Variants in PPARGC1A observed in about 807,000 individuals in gnomAD.
PPARGC1A encodes the protein peroxisome proliferator-activated receptor gamma coactivator 1-alpha.
PPARGC1A carries 25 observed loss-of-function variants against 88.7 expected under a neutral mutation model. The observed-to-expected ratio is 0.28, with a 90% CI of 0.21 to 0.39. The LOEUF is 0.39. PPARGC1A is among the 10% of genes least tolerant of loss of function. The probability of loss-of-function intolerance (pLI) is 1.00; values close to 1 mark genes in which losing one functional copy is unlikely to be tolerated. For missense variants in PPARGC1A, 880 were observed against 968.7 expected (o/e 0.91, Z 1.22); for synonymous variants, 363 against 355.6 (o/e 1.02, Z -0.24).
the PPARGC1A span, among the ~76,000 whole-genome samples, chr4:24,145,423 A>T: frequency 6.6e-6 from 1 of 152,190 alleles, no homozygotes; most frequent in African/African-American, 2.4e-5. Context: ...CTTACAGCAC[A>T]ATAGTTCAAA....
At chr4:23,816,614 C>T (rs1013738330) in intron 7 of PPARGC1A, among the ~76,000 whole-genome samples, 4 of 152,118 alleles carry the variant, frequency 2.6e-5, no homozygotes, top group African/African-American at 9.7e-5. Flanking sequence ...GAGGAATAAT[C>T]TCTCTTTGCT....
the PPARGC1A span, among the ~76,000 whole-genome samples, chr4:24,011,810 C>T: frequency 6.6e-6 from 1 of 152,248 alleles, no homozygotes; most frequent in Non-Finnish European, 1.5e-5. Context: ...TCTTTAAGGA[C>T]AATTAGGTAT....
chr4:24,089,186 C>T, the PPARGC1A span, among the ~76,000 whole-genome samples: 1 of 152,160 alleles, frequency 6.6e-6, no homozygotes, highest in South Asian at 2.1e-4. Context: ...TCCTCAGCTG[C>T]ATTACTACCA....
the PPARGC1A span, among the ~76,000 whole-genome samples, chr4:24,168,449 G>C: frequency 6.6e-6 from 1 of 152,170 alleles, no homozygotes; most frequent in African/African-American, 2.4e-5. Flanking sequence ...GTAATACCCA[G>C]TAACAATGAG....
chr4:24,195,396 G>A, the PPARGC1A span, among the ~76,000 whole-genome samples: 745 of 152,310 alleles, frequency 4.9e-3, 30 homozygotes, highest in East Asian at 0.096. Context: ...ATGTCTGCCA[G>A]AAGTTCTCAC....
At chr4:24,451,854 G>A in the PPARGC1A span, among the ~76,000 whole-genome samples, 2 of 152,292 alleles carry the variant, frequency 1.3e-5, no homozygotes, top group East Asian at 3.9e-4. Context: ...CGGATTACAG[G>A]CATGAGCCAC....
the PPARGC1A span, among the ~76,000 whole-genome samples, chr4:24,089,606 G>A: frequency 2.0e-5 from 3 of 150,696 alleles, no homozygotes; most frequent in South Asian, 6.3e-4. Context: ...CGCCTCCCGG[G>A]TTCACGCCAT....
At chr4:24,161,959 TATAC>T in the PPARGC1A span, among the ~76,000 whole-genome samples, 220 of 118,828 alleles carry the variant, frequency 1.9e-3, 1 homozygote, top group East Asian at 0.018. Flanking sequence ...GAAATTGTGA[TATAC>T]ACACACACAC....
the PPARGC1A span, among the ~76,000 whole-genome samples, chr4:24,456,168 T>C: frequency 1.3e-5 from 2 of 152,144 alleles, no homozygotes; most frequent in African/African-American, 4.8e-5. Context: ...TTTTTCAAGA[T>C]GGGAGAGATT....
chr4:24,411,207 C>T, the PPARGC1A span, among the ~76,000 whole-genome samples: 5 of 152,158 alleles, frequency 3.3e-5, no homozygotes, highest in African/African-American at 1.2e-4. Flanking sequence ...TTCCTCAGGA[C>T]ACCCCAGGAG....
the PPARGC1A span, among the ~76,000 whole-genome samples, chr4:24,234,647 G>A: frequency 6.6e-6 from 1 of 152,088 alleles, no homozygotes; most frequent in Non-Finnish European, 1.5e-5. Flanking sequence ...AAAATCAGAG[G>A]AGAAAAGTAA....
At chr4:24,149,214 T>C in the PPARGC1A span, among the ~76,000 whole-genome samples, 4 of 152,208 alleles carry the variant, frequency 2.6e-5, no homozygotes, top group African/African-American at 9.7e-5. Context: ...CAGTTTCTAT[T>C]AGCATTATCT....
the PPARGC1A span, among the ~76,000 whole-genome samples, chr4:23,955,636 G>C: frequency 2.0e-5 from 3 of 152,000 alleles, no homozygotes; most frequent in African/African-American, 2.4e-5. Flanking sequence ...GCTATAACAC[G>C]ATCATTTATT....
chr4:23,951,206 T>A, the PPARGC1A span, among the ~76,000 whole-genome samples: 48 of 152,110 alleles, frequency 3.2e-4, no homozygotes, highest in East Asian at 7.5e-3. Context: ...ACACAGGGAA[T>A]TGGGGGATGG....
chr4:24,138,390 T>C, the PPARGC1A span, among the ~76,000 whole-genome samples: 1 of 152,162 alleles, frequency 6.6e-6, no homozygotes, highest in African/African-American at 2.4e-5. Flanking sequence ...CACAGTCCAA[T>C]TGCAGTGAAA....
At chr4:24,040,240 A>G in the PPARGC1A span, among the ~76,000 whole-genome samples, 3 of 152,144 alleles carry the variant, frequency 2.0e-5, no homozygotes, top group African/African-American at 4.8e-5. Context: ...ACATACACAC[A>G]TCTTCCATCT....
At chr4:23,821,401 G>A (rs1722989304) in intron 7 of PPARGC1A, among the ~76,000 whole-genome samples, 2 of 152,044 alleles carry the variant, frequency 1.3e-5, no homozygotes, top group South Asian at 4.1e-4. Flanking sequence ...AAATCAGTGA[G>A]TGTTCTGCCT....
the PPARGC1A span, among the ~76,000 whole-genome samples, chr4:24,400,984 T>C: frequency 6.6e-6 from 1 of 150,702 alleles, no homozygotes; most frequent in Non-Finnish European, 1.5e-5. Flanking sequence ...GTATCAGGTC[T>C]AAGTAGGTAC....
the PPARGC1A span, among the ~76,000 whole-genome samples, chr4:24,131,294 G>C: frequency 2.0e-5 from 3 of 152,138 alleles, no homozygotes; most frequent in African/African-American, 4.8e-5. Context: ...CTGCTGGTTC[G>C]TCCAAAAGCA....
Sources: gnomAD v4.1 joint callset for allele counts (sites outside exome capture counted in the v4.1 genomes callset) on GRCh38, gnomAD v4.1.1 for gene constraint, MANE v1.5 for transcripts, NCBI Gene and HGNC (gene_info 2026-07-23, HGNC 2026-07-21) for gene names.